Variants in NUP98 observed in about 807,000 individuals in gnomAD.
The protein encoded by NUP98 is nuclear pore complex protein Nup98-Nup96.
NUP98 carries 26 observed loss-of-function variants against 191.9 expected under a neutral mutation model. That is an observed-to-expected ratio of 0.14 (90% CI 0.10 to 0.19). The LOEUF is 0.19. Among genes scored for constraint, NUP98 ranks in the 10% least tolerant of loss-of-function variants. The probability of loss-of-function intolerance (pLI) is 1.00; values close to 1 mark genes in which losing one functional copy is unlikely to be tolerated. For missense variants in NUP98, 1,941 were observed against 2,178.8 expected, an observed-to-expected ratio of 0.89 and a Z score of 2.17; for synonymous variants, 808 against 778.4, an observed-to-expected ratio of 1.04 and a Z score of -0.63.
chr11:3,728,202 A>T (rs1182278372), intron 14 of NUP98, among the ~76,000 whole-genome samples: 1 of 152,222 alleles, frequency 6.6e-6, no homozygotes, highest in Admixed American at 6.5e-5. Context: ...AGCAAGGAAC[A>T]GTAAGTTTAG....
chr11:3,795,807 T>C (rs995523112), intron 1 of NUP98, among the ~76,000 whole-genome samples: 1 of 152,198 alleles, frequency 6.6e-6, no homozygotes, highest in Non-Finnish European at 1.5e-5. Flanking sequence ...TGAGAAAATG[T>C]CACGGAAAAC....
chr11:3,695,703 A>G, intron 25 of NUP98, 97 bp from the exon 26 acceptor site: 1 of 887,370 alleles, frequency 1.1e-6, no homozygotes, highest in Non-Finnish European at 1.6e-6. Flanking sequence ...AGCCTTCAGA[A>G]GGGAGGATTT....
intron 5 of NUP98, 34 bp from the exon 6 acceptor site, chr11:3,773,773 C>G (rs1331905394): frequency 3.2e-6 from 4 of 1,236,254 alleles, no homozygotes; most frequent in Non-Finnish European, 4.8e-6. Context: ...TTTGTAGGTC[C>G]AAGTTTTACA....
rs1167560994 is a variant in NUP98 at position 3,724,449 on chromosome 11, TA to T, written c.1847+653del. ...AAAACTCCATCTCAAAAAAAAAAAA[TA>T]AATAAATAAATTTCTGATATGAAAG... is the stretch of plus-strand genomic sequence containing the variant. On this transcript the variant is annotated intron_variant, in intron 15 of 32. Transcript: ENST00000324932. 5.9e-3 allele frequency among the ~76,000 whole-genome samples: 382 copies of T among 64,458 alleles called. 4 individuals are homozygous for T. The highest frequency in any genetic ancestry group is 0.025 in the African/African-American group (365 of 14,358). The allele number at this position is 64,458 out of a possible 152,430, so 42.3% of individuals were successfully genotyped here. A position where few individuals can be genotyped will look rare whatever the true frequency, so the allele number is the denominator to read the frequency against.
chr11:3,694,266 G>C (rs979748097), intron 26 of NUP98, among the ~76,000 whole-genome samples: 9 of 152,096 alleles, frequency 5.9e-5, no homozygotes, highest in African/African-American at 2.2e-4. Flanking sequence ...AGCTACTTGG[G>C]AGGCTGAGGC....
chr11:3,707,011 A>G (rs1038330894), intron 20 of NUP98, among the ~76,000 whole-genome samples: 27 of 152,140 alleles, frequency 1.8e-4, no homozygotes, highest in Non-Finnish European at 3.7e-4. Context: ...AAGACATTGG[A>G]AAAAAAGAAC....
intron 18 of NUP98, among the ~76,000 whole-genome samples, chr11:3,715,066 T>G (rs1195974879): frequency 1.3e-5 from 2 of 152,244 alleles, no homozygotes; most frequent in African/African-American, 4.8e-5. Context: ...ACCACCATAC[T>G]GTCTTCCACA....
intron 11 of NUP98, among the ~76,000 whole-genome samples, chr11:3,744,867 T>C (rs555733938): frequency 1.3e-5 from 2 of 152,350 alleles, no homozygotes; most frequent in South Asian, 2.1e-4. Flanking sequence ...TGTGCTTCAG[T>C]TTCCTCAATT....
intron 16 of NUP98, among the ~76,000 whole-genome samples, chr11:3,721,657 C>T (rs146184431): frequency 3.0e-4 from 45 of 151,906 alleles, no homozygotes; most frequent in African/African-American, 1.1e-3. Context: ...TGAGATCACA[C>T]CACTGCACTC....
chr11:3,695,672 G>A, intron 25 of NUP98, 66 bp from the exon 26 acceptor site: 1 of 1,120,402 alleles, frequency 8.9e-7, no homozygotes, highest in South Asian at 2.7e-5. Flanking sequence ...AACACTTGGG[G>A]GCATTATCTT....
At chr11:3,695,259 T>C (rs1376019716) in intron 26 of NUP98, among the ~76,000 whole-genome samples, 190 bp downstream of exon 26, 1 of 152,268 alleles carries the variant, frequency 6.6e-6, no homozygotes, top group African/African-American at 2.4e-5. Flanking sequence ...CATTTTAACA[T>C]TTTAATTTCT....
At chr11:3,684,548 T>C (rs1207874316) in intron 29 of NUP98, among the ~76,000 whole-genome samples, 2 of 152,104 alleles carry the variant, frequency 1.3e-5, no homozygotes, top group African/African-American at 4.8e-5. Context: ...AGCCAGTCTT[T>C]TACCATGTGA....
intron 16 of NUP98, among the ~76,000 whole-genome samples, chr11:3,721,868 T>C (rs2079415782): frequency 6.6e-6 from 1 of 152,156 alleles, no homozygotes; most frequent in South Asian, 2.1e-4. Flanking sequence ...TAGTCAGATA[T>C]AAGGCTAACT....
At chr11:3,753,081 AG>A (rs1382999412) in intron 11 of NUP98, among the ~76,000 whole-genome samples, 1 of 152,240 alleles carries the variant, frequency 6.6e-6, no homozygotes, top group Non-Finnish European at 1.5e-5. Context: ...CAAAAAGACC[AG>A]GACTATCAGA....
chr11:3,770,319 C>A (rs1016044530), intron 7 of NUP98, among the ~76,000 whole-genome samples: 1 of 151,940 alleles, frequency 6.6e-6, no homozygotes, highest in Non-Finnish European at 1.5e-5. Context: ...AGTGAGACTC[C>A]GTCTCAAAAA....
At chr11:3,749,721 C>G (rs1187162646) in intron 11 of NUP98, among the ~76,000 whole-genome samples, 1 of 151,760 alleles carries the variant, frequency 6.6e-6, no homozygotes, top group African/African-American at 2.4e-5. Flanking sequence ...GAACAGAGAA[C>G]TGACTTAAAT....
In NUP98 at chr11:3,713,866, T is replaced by C. The variant is rs755358700; in HGVS notation, c.2529A>G (p.Gly843=). The change falls in exon 19 of 33, where the codon GGA becomes GGG. Residue 843 remains glycine (G), a synonymous_variant. Transcript: ENST00000324932. The stretch of plus-strand genomic sequence containing the variant: ...CAGGCCGGTATTCTTTGAATTGAGC[T>C]CCCTGTTTCCTTGAAACTGCTTCCA... ...GRLEAVSRKQ[G]AQFKEYRPET... 1.2e-6 allele frequency: 2 copies of C among 1,614,022 alleles called. No individual in the cohort carries two copies. The highest frequency in any genetic ancestry group is 2.7e-5 in the African/African-American group (2 of 74,942).
chr11:3,675,849 GA>G lies in NUP98; in HGVS notation c.*309del. On this transcript the variant is annotated 3_prime_UTR_variant, in exon 33 of 33. Coordinates refer to ENST00000324932, the MANE Select transcript of NUP98 (RefSeq NM_016320.5). Reference sequence around the variant, plus strand: ...ACAAGATCCAGAATGGCTAGGGATGGAAAAAGAATACCCTGGTTCTTTGGGG... The same window carrying G: ...ACAAGATCCAGAATGGCTAGGGATGGAAAAGAATACCCTGGTTCTTTGGGG... 2 of 433,014 alleles carry G rather than the reference GA, an allele frequency of 4.6e-6. No individual in the cohort carries two copies. The highest frequency in any genetic ancestry group is 4.1e-5 in the East Asian group (1 of 24,584). The allele number at this position is 433,014 out of a possible 1,614,324, so 26.8% of individuals were successfully genotyped here. A position where few individuals can be genotyped will look rare whatever the true frequency, so the allele number is the denominator to read the frequency against.
At chr11:3,678,335 C>A (rs11028978) in intron 31 of NUP98, among the ~76,000 whole-genome samples, 8,551 of 152,158 alleles carry the variant, frequency 0.056, 425 homozygotes, top group East Asian at 0.25. Context: ...TTGGAAGCCA[C>A]AAATTGAATC....
Sources: gnomAD v4.1 joint callset for allele counts (sites outside exome capture counted in the v4.1 genomes callset) on GRCh38, gnomAD v4.1.1 for gene constraint, MANE v1.5 for transcripts, NCBI Gene and HGNC (gene_info 2026-07-23, HGNC 2026-07-21) for gene names.